MBOAT2: variants seen among roughly 807,000 people sequenced by gnomAD.
MBOAT2 encodes the protein membrane bound glycerophospholipid O-acyltransferase 2.
MBOAT2 carries 28 observed loss-of-function variants against 63.4 expected under a neutral mutation model. That is an observed-to-expected ratio of 0.44 (90% CI 0.33 to 0.61). The LOEUF (loss-of-function observed/expected upper bound fraction) is 0.61. Ranked by LOEUF, MBOAT2 falls within the 20% of genes least tolerant of loss-of-function variation. MBOAT2 has a pLI of 0.03. For synonymous variants in MBOAT2, 211 were observed against 215.6 expected, an observed-to-expected ratio of 0.98 and a Z score of 0.19; for missense variants, 470 against 605.8, an observed-to-expected ratio of 0.78 and a Z score of 2.35.
rs1048505743 is a variant in MBOAT2, at chr2:8,855,750, A to G, written c.*2929T>C. On this transcript the variant is annotated 3_prime_UTR_variant, in exon 13 of 13. Coordinates refer to ENST00000305997, the MANE Select transcript of MBOAT2 (RefSeq NM_138799.4). ...TACTCTTACTGTTTCAAGAAAATGA[A>G]ATTGAAGGATGAGTAGTTATTTTTG... is the stretch of plus-strand genomic sequence containing the variant. 1.3e-5 allele frequency: 2 copies of G among 152,192 alleles called. No homozygotes were observed. The highest frequency in any genetic ancestry group is 2.9e-5 in the Non-Finnish European group (2 of 68,018). 9.4% of individuals were successfully genotyped at this position (152,192 alleles called of 1,614,324 possible).
chr2:8,861,847 A>G (rs543191563), intron 11 of MBOAT2, among the ~76,000 whole-genome samples: 1 of 152,182 alleles, frequency 6.6e-6, no homozygotes, highest in Non-Finnish European at 1.5e-5. Context: ...ATCCCAAATT[A>G]GACTACAAAC....
chr2:8,884,735 G>A (rs1275532530), intron 5 of MBOAT2, among the ~76,000 whole-genome samples: 3 of 152,146 alleles, frequency 2.0e-5, no homozygotes, highest in South Asian at 4.1e-4. Flanking sequence ...TACTGCTTTC[G>A]AAGTGTAAAC....
chr2:8,872,808 T>C (rs982137411), intron 8 of MBOAT2, among the ~76,000 whole-genome samples: 13 of 152,242 alleles, frequency 8.5e-5, no homozygotes, highest in Non-Finnish European at 1.8e-4. Context: ...ATAAGAACTA[T>C]GTCTTATACA....
At chr2:8,942,411 A>G (rs1668119160) in intron 3 of MBOAT2, among the ~76,000 whole-genome samples, 1 of 152,226 alleles carries the variant, frequency 6.6e-6, no homozygotes, top group African/African-American at 2.4e-5. Context: ...TGGGTTTTCA[A>G]TCAAGTACAT....
intron 1 of MBOAT2, among the ~76,000 whole-genome samples, chr2:8,969,948 C>G (rs1291213381): frequency 7.2e-5 from 11 of 152,074 alleles, no homozygotes; most frequent in Non-Finnish European, 1.5e-4. Context: ...CTGTCAACAT[C>G]AGACAGATCA....
chr2:8,912,363 A>AAGAGAG (rs1329243077), intron 3 of MBOAT2, among the ~76,000 whole-genome samples: 2 of 96,016 alleles, frequency 2.1e-5, no homozygotes, highest in African/African-American at 8.6e-5. Context: ...GAAAGAAAGA[A>AAGAGAG]AGAAAGAAAG....
chr2:8,926,694 C>T (rs1009366285), intron 3 of MBOAT2, among the ~76,000 whole-genome samples: 1 of 152,144 alleles, frequency 6.6e-6, no homozygotes, highest in Admixed American at 6.5e-5. Context: ...GAGTCTGAAG[C>T]AGAAAAGAGG....
chr2:8,973,458 T>C (rs972135979), intron 1 of MBOAT2, among the ~76,000 whole-genome samples: 1 of 151,664 alleles, frequency 6.6e-6, no homozygotes, highest in Non-Finnish European at 1.5e-5. Flanking sequence ...ACATGGCACA[T>C]GTATACATAT....
intron 4 of MBOAT2, among the ~76,000 whole-genome samples, chr2:8,903,050 G>A (rs1320830888): frequency 2.0e-5 from 3 of 152,108 alleles, no homozygotes; most frequent in Non-Finnish European, 4.4e-5. Context: ...ATGCTGATTG[G>A]TGCATTTACA....
chr2:8,927,454 T>G (rs1415825355), intron 3 of MBOAT2, among the ~76,000 whole-genome samples: 2 of 152,106 alleles, frequency 1.3e-5, no homozygotes, highest in Admixed American at 1.3e-4. Flanking sequence ...ACCCATCAAT[T>G]AAAACAATTT....
intron 1 of MBOAT2, among the ~76,000 whole-genome samples, chr2:8,977,898 G>A (rs1420757186): frequency 6.6e-6 from 1 of 152,018 alleles, no homozygotes; most frequent in Non-Finnish European, 1.5e-5. Context: ...AGGAATCCAT[G>A]CTTCAGTTCC....
intron 2 of MBOAT2, among the ~76,000 whole-genome samples, chr2:8,954,776 T>A (rs1606306): frequency 1.3e-5 from 2 of 151,720 alleles, no homozygotes; most frequent in Non-Finnish European, 2.9e-5. Flanking sequence ...GAGCCTCACT[T>A]CACCATGATC....
chr2:8,981,730 T>C (rs984711584), intron 1 of MBOAT2, among the ~76,000 whole-genome samples: 3 of 152,122 alleles, frequency 2.0e-5, no homozygotes, highest in Non-Finnish European at 2.9e-5. Context: ...AAGAACACAG[T>C]GTTTATTGTT....
chr2:8,877,955 G>A (rs192172501), intron 6 of MBOAT2, among the ~76,000 whole-genome samples: 1 of 152,350 alleles, frequency 6.6e-6, no homozygotes, highest in East Asian at 1.9e-4. Context: ...TGCCTTACAA[G>A]CCATGGCAGG....
At chr2:8,875,596 C>T (rs1369295312) in intron 7 of MBOAT2, among the ~76,000 whole-genome samples, 2 of 152,148 alleles carry the variant, frequency 1.3e-5, no homozygotes, top group Admixed American at 1.3e-4. Context: ...AGTGATGTGC[C>T]GAAATGATGA....
At chr2:8,916,707 G>C (rs1379229573) in intron 3 of MBOAT2, among the ~76,000 whole-genome samples, 2 of 152,242 alleles carry the variant, frequency 1.3e-5, no homozygotes, top group African/African-American at 2.4e-5. Context: ...TTTACTCCAA[G>C]GTTCTCAGGC....
At chr2:8,871,696 T>G (rs932073366) in intron 8 of MBOAT2, among the ~76,000 whole-genome samples, 2 of 152,234 alleles carry the variant, frequency 1.3e-5, no homozygotes, top group Non-Finnish European at 2.9e-5. Flanking sequence ...CAGCAACTTT[T>G]AATGATGCTA....
chr2:8,888,085 T>TA lies in MBOAT2; in HGVS notation c.396-13dup, dbSNP rs1008213313. 2.9e-5 allele frequency: 46 copies of TA among 1,606,304 alleles called. No individual in the cohort carries two copies. Among genetic ancestry groups the TA allele is most frequent in the South Asian group, 5.6e-5 (5 of 89,176 alleles). ...TGATCATCATTGGGCTGTGACAAGA[T>TA]AAAAAAAATTAGTGTTTTAAAAGAA... On this transcript the variant is annotated splice_polypyrimidine_tract_variant and intron_variant, in intron 4 of 12. Coordinates refer to ENST00000305997, the MANE Select transcript of MBOAT2 (RefSeq NM_138799.4).
chr2:8,929,794 T>C (rs1327007579), intron 3 of MBOAT2, among the ~76,000 whole-genome samples: 2 of 152,168 alleles, frequency 1.3e-5, no homozygotes, highest in Non-Finnish European at 2.9e-5. Context: ...CAGCTGGGCT[T>C]CCTGGGTCAA....
Sources: gnomAD v4.1 joint callset for allele counts (sites outside exome capture counted in the v4.1 genomes callset) on GRCh38, gnomAD v4.1.1 for gene constraint, MANE v1.5 for transcripts, NCBI Gene and HGNC (gene_info 2026-07-23, HGNC 2026-07-21) for gene names.